FRAS1: variants seen among roughly 807,000 people sequenced by gnomAD.
The protein encoded by FRAS1 is extracellular matrix organizing protein FRAS1.
FRAS1 carries 290 observed loss-of-function variants against 435.2 expected under a neutral mutation model. That is an observed-to-expected ratio of 0.67 (90% CI 0.61 to 0.73). FRAS1 has a LOEUF of 0.73. FRAS1 is among the 30% of genes least tolerant of loss of function. FRAS1 has a pLI of 0.00. For synonymous variants in FRAS1, 1,800 were observed against 1,851.0 expected, an observed-to-expected ratio of 0.97 and a Z score of 0.71; for missense variants, 4,860 against 5,001.5, an observed-to-expected ratio of 0.97 and a Z score of 0.85.
chr4:78,463,032 C>A (rs1378472329), intron 47 of FRAS1, among the ~76,000 whole-genome samples: 2 of 152,076 alleles, frequency 1.3e-5, no homozygotes, highest in Non-Finnish European at 2.9e-5. Flanking sequence ...CAGGGCCAAA[C>A]TAAAGGACTA....
chr4:78,481,737 T>C (rs1326789257), intron 56 of FRAS1, 67 bp from the exon 57 acceptor site: 3 of 1,569,204 alleles, frequency 1.9e-6, no homozygotes, highest in Non-Finnish European at 8.8e-7. Context: ...GAGAACATCA[T>C]TCTGAAAACC....
At chr4:78,393,955 G>A (rs1732550998) in intron 29 of FRAS1, among the ~76,000 whole-genome samples, 1 of 151,642 alleles carries the variant, frequency 6.6e-6, no homozygotes, top group Non-Finnish European at 1.5e-5. Flanking sequence ...GTTTTGCTTT[G>A]CCTTTTTCTC....
In FRAS1 at chr4:78,463,998, T is replaced by C. The variant is rs370744959; in HGVS notation, c.6764-23T>C. The stretch of plus-strand genomic sequence containing the variant: ...CTAGCATTTTAATATCCTGTCTCTG[T>C]TTCTCTTTTCCCCTTTTTCTAGGTA... On this transcript the variant is annotated intron_variant, in intron 47 of 73. Transcript: ENST00000512123. 8 of 1,611,836 alleles carry C rather than the reference T, an allele frequency of 5.0e-6. No individual in the cohort carries two copies. The South Asian group carries it at 7.7e-5, about 16-fold the overall frequency.
At position 78,267,412 on chromosome 4, in the gene FRAS1, G is replaced by A. The variant is rs373834663; in HGVS notation, c.961G>A (p.Ala321Thr). Residue 321 changes from alanine to threonine, a missense_variant, in exon 9 of 74, where the codon GCC (alanine) becomes ACC (threonine). Physicochemically the swap from Ala to Thr is moderately conservative, Grantham distance 58. Coordinates refer to ENST00000512123, the MANE Select transcript of FRAS1 (RefSeq NM_025074.7). ...GQVTCQTGECAKVECARDEEL... is the reference protein window; with the variant it reads ...GQVTCQTGECTKVECARDEEL... The stretch of plus-strand genomic sequence containing the variant: ...AGTGACCTGCCAGACTGGAGAGTGT[G>A]CCAAAGTGGAGTGTGCCCGGGTAAG... The A allele has an allele frequency of 6.8e-6, 11 of 1,613,696 alleles. No homozygotes were observed. The African/African-American group carries it at 1.3e-4, about 20-fold the overall frequency.
At chr4:78,149,555 T>C (rs1720557712) in intron 2 of FRAS1, among the ~76,000 whole-genome samples, 1 of 152,222 alleles carries the variant, frequency 6.6e-6, no homozygotes, top group Non-Finnish European at 1.5e-5. Flanking sequence ...CATATATTTT[T>C]TTCTTGAATG....
chr4:78,104,692 G>C (rs1742301083), intron 2 of FRAS1, among the ~76,000 whole-genome samples: 1 of 152,140 alleles, frequency 6.6e-6, no homozygotes, highest in Non-Finnish European at 1.5e-5. Context: ...GCCAGGTGTT[G>C]GTGGTATGGA....
At chr4:78,156,203 TA>T (rs1560554161) in intron 2 of FRAS1, among the ~76,000 whole-genome samples, 1 of 152,204 alleles carries the variant, frequency 6.6e-6, no homozygotes, top group Non-Finnish European at 1.5e-5. Context: ...ATTGGAAAAC[TA>T]TTGAAATTCA....
At chr4:78,062,007 C>T (rs1183807875) in intron 1 of FRAS1, among the ~76,000 whole-genome samples, 2 of 152,098 alleles carry the variant, frequency 1.3e-5, no homozygotes, top group Non-Finnish European at 1.5e-5. Context: ...CTCTTATTTT[C>T]ATCAATTATA....
At chr4:78,251,596 A>C (rs111295750) in intron 4 of FRAS1, among the ~76,000 whole-genome samples, 11,361 of 152,176 alleles carry the variant, frequency 0.075, 623 homozygotes, top group Non-Finnish European at 0.12. Flanking sequence ...ACACTGTTCT[A>C]CTCTGGATTG....
chr4:78,173,160 T>C (rs1721628428), intron 2 of FRAS1, among the ~76,000 whole-genome samples: 1 of 152,238 alleles, frequency 6.6e-6, no homozygotes, highest in Non-Finnish European at 1.5e-5. Context: ...CTTTCTGATG[T>C]ATCCTTTAGT....
At chr4:78,532,228 G>A (rs1006204397) in intron 70 of FRAS1, among the ~76,000 whole-genome samples, 1 of 152,016 alleles carries the variant, frequency 6.6e-6, no homozygotes, top group African/African-American at 2.4e-5. Flanking sequence ...TTCCTCTAAT[G>A]TATTGCACAC....
At chr4:78,289,464 A>C (rs1251769344) in intron 14 of FRAS1, among the ~76,000 whole-genome samples, 3 of 152,198 alleles carry the variant, frequency 2.0e-5, no homozygotes, top group Non-Finnish European at 4.4e-5. Context: ...ATTAAGGCTT[A>C]GCACTAGCCT....
intron 2 of FRAS1, among the ~76,000 whole-genome samples, chr4:78,123,601 A>G: frequency 6.6e-6 from 1 of 152,172 alleles, no homozygotes; most frequent in African/African-American, 2.4e-5. Flanking sequence ...TATTCTTCCT[A>G]TCCATGAGCA....
At chr4:78,444,928 CTA>C (rs2109830202) in intron 41 of FRAS1, among the ~76,000 whole-genome samples, 1 of 152,326 alleles carries the variant, frequency 6.6e-6, no homozygotes, top group East Asian at 1.9e-4. Flanking sequence ...CCCTGGTGCT[CTA>C]TCCCAGGGGC....
At chr4:78,456,490 G>A (rs1719205668) in intron 47 of FRAS1, among the ~76,000 whole-genome samples, 1 of 152,172 alleles carries the variant, frequency 6.6e-6, no homozygotes, top group Non-Finnish European at 1.5e-5. Context: ...TGCATGCAAA[G>A]CTGTGAGGTG....
chr4:78,489,768 G>A (rs1463763609), intron 59 of FRAS1, among the ~76,000 whole-genome samples: 1 of 152,038 alleles, frequency 6.6e-6, no homozygotes, highest in Non-Finnish European at 1.5e-5. Context: ...TGTTAGAGAT[G>A]AATATACTCC....
At chr4:78,306,898 T>C (rs1046883895) in intron 14 of FRAS1, among the ~76,000 whole-genome samples, 7 of 152,222 alleles carry the variant, frequency 4.6e-5, no homozygotes, top group African/African-American at 1.7e-4. Flanking sequence ...CTTTGTTCCG[T>C]TGCTGGTGAG....
chr4:78,400,130 A>G (rs547633302), intron 29 of FRAS1, among the ~76,000 whole-genome samples: 40 of 152,322 alleles, frequency 2.6e-4, no homozygotes, highest in African/African-American at 9.4e-4. Flanking sequence ...TGTCTGGAAT[A>G]TGTTTCACCA....
chr4:78,365,186 T>C (rs1259824065), intron 22 of FRAS1, among the ~76,000 whole-genome samples: 2 of 152,226 alleles, frequency 1.3e-5, no homozygotes, highest in African/African-American at 2.4e-5. Context: ...TGTTAGTTTA[T>C]TGAGATCCTT....
Sources: allele counts gnomAD v4.1 joint callset (sites outside exome capture counted in the v4.1 genomes callset), GRCh38; gene constraint gnomAD v4.1.1; transcripts MANE v1.5; gene names NCBI Gene and HGNC (gene_info 2026-07-23, HGNC 2026-07-21).